ZNF827: variants seen among roughly 807,000 people sequenced by gnomAD.
The protein encoded by ZNF827 is zinc finger protein 827.
ZNF827 carries 13 observed loss-of-function variants against 102.4 expected under a neutral mutation model. That is an observed-to-expected ratio of 0.13 (90% CI 0.08 to 0.20). ZNF827 has a LOEUF of 0.20. ZNF827 is among the 10% of genes least tolerant of loss of function. The probability of loss-of-function intolerance (pLI) is 1.00; values close to 1 mark genes in which losing one functional copy is unlikely to be tolerated. For missense variants in ZNF827, 1,103 were observed against 1,344.4 expected (o/e 0.82, Z 2.81); for synonymous variants, 523 against 536.2 (o/e 0.98, Z 0.34).
chr4:145,892,232 A>G lies in ZNF827; in HGVS notation c.1266+11T>C. ...TGCCTCTCCAGGAGGTGCAGTCGGT[A>G]GGTGGCTTACCTTCATGTGGGATTT... On this transcript the variant is annotated intron_variant, in intron 3 of 14. Coordinates refer to ENST00000508784, the MANE Select transcript of ZNF827 (RefSeq NM_001306215.2). The G allele has an allele frequency of 1.9e-6, 3 of 1,600,256 alleles. No homozygotes were observed. The South Asian group carries it at 3.4e-5, about 18-fold the overall frequency.
At chr4:145,892,126 C>A in intron 3 of ZNF827, 117 bp downstream of exon 3, 1 of 952,942 alleles carries the variant, frequency 1.0e-6, no homozygotes, top group East Asian at 2.6e-5. Flanking sequence ...TACTGTCATC[C>A]GCATGTTTCA....
intron 4 of ZNF827, among the ~76,000 whole-genome samples, chr4:145,882,737 A>G (rs1749777922): frequency 6.6e-6 from 1 of 152,212 alleles, no homozygotes; most frequent in African/African-American, 2.4e-5. Context: ...AGTTTTGCAG[A>G]CAGTGATCTG....
At position 145,761,037 on chromosome 4, in the gene ZNF827, C is replaced by T. The variant is rs1490514672; in HGVS notation, c.*579G>A. 5.4e-6 allele frequency: 7 copies of T among 1,284,862 alleles called. No individual in the cohort carries two copies. Among genetic ancestry groups the T allele is most frequent in the Admixed American group, 2.3e-5 (1 of 43,272 alleles). The allele number at this position is 1,284,862 out of a possible 1,614,324, so 79.6% of individuals were successfully genotyped here. On this transcript the variant is annotated 3_prime_UTR_variant, in exon 15 of 15. Coordinates refer to ENST00000508784, the MANE Select transcript of ZNF827 (RefSeq NM_001306215.2). The surrounding 1 kb of genome is among the most constrained non-coding windows in gnomAD (Gnocchi z 6.8). ...CTGAGCTGCTGCCGTGGGCTGCCGACAGGGCCACGGTCTGCAGAGCCTGGG... is the reference window on the plus strand; with the variant it reads ...CTGAGCTGCTGCCGTGGGCTGCCGATAGGGCCACGGTCTGCAGAGCCTGGG...
intron 1 of ZNF827, among the ~76,000 whole-genome samples, chr4:145,928,649 G>A (rs970081984): frequency 5.3e-5 from 8 of 152,140 alleles, no homozygotes; most frequent in East Asian, 1.9e-4. Flanking sequence ...GCAGTAACTC[G>A]CTTGTGTCAC....
intron 1 of ZNF827, among the ~76,000 whole-genome samples, chr4:145,936,902 G>A (rs1005135757): frequency 2.6e-5 from 4 of 151,946 alleles, no homozygotes; most frequent in Admixed American, 2.0e-4. Flanking sequence ...ACCGCCGGGA[G>A]AGGGGAGTAG....
chr4:145,814,243 T>C (rs1182462630), intron 8 of ZNF827, among the ~76,000 whole-genome samples: 9 of 152,226 alleles, frequency 5.9e-5, no homozygotes, highest in East Asian at 1.9e-4. Context: ...GGATAAGGGA[T>C]ACTCAACCTG....
chr4:145,859,139 T>C (rs1747464572), intron 5 of ZNF827, among the ~76,000 whole-genome samples: 1 of 151,918 alleles, frequency 6.6e-6, no homozygotes, highest in African/African-American at 2.4e-5. Context: ...AATCAGATAA[T>C]AACAGAGACC....
At chr4:145,835,686 C>A (rs1440324835) in intron 7 of ZNF827, among the ~76,000 whole-genome samples, 1 of 142,948 alleles carries the variant, frequency 7.0e-6, no homozygotes, top group Non-Finnish European at 1.5e-5. Context: ...ATCATGCACC[C>A]CTTACCATCT....
chr4:145,875,507 A>G (rs1749079775), intron 4 of ZNF827, among the ~76,000 whole-genome samples: 1 of 152,230 alleles, frequency 6.6e-6, no homozygotes, highest in African/African-American at 2.4e-5. Flanking sequence ...ACTGTTCATG[A>G]GAAAGGGAAG....
At chr4:145,846,499 A>G (rs1269929388) in intron 6 of ZNF827, among the ~76,000 whole-genome samples, 1 of 138,662 alleles carries the variant, frequency 7.2e-6, no homozygotes, top group African/African-American at 2.8e-5. Flanking sequence ...CAAACAAAAA[A>G]ACACAACAAC....
In ZNF827 at chr4:145,762,264, A is replaced by C. The variant is rs1734636949; in HGVS notation, c.*18-666T>G. ...GGACTAGCTCTTTGTCAGGAAAGGA[A>C]GCTGAGGACTATGGCAGGGGCATGG... On this transcript the variant is annotated intron_variant, in intron 14 of 14. Transcript: ENST00000508784. The surrounding 1 kb of genome is among the most constrained non-coding windows in gnomAD (Gnocchi z 4.9). Among the ~76,000 whole-genome samples, 1 of 152,142 alleles carries C rather than the reference A, an allele frequency of 6.6e-6. No homozygotes were observed. Among genetic ancestry groups the C allele is most frequent in the African/African-American group, 2.4e-5 (1 of 41,420 alleles).
intron 1 of ZNF827, among the ~76,000 whole-genome samples, chr4:145,908,758 A>G (rs1752064275): frequency 6.6e-6 from 1 of 152,226 alleles, no homozygotes; most frequent in South Asian, 2.1e-4. Context: ...CAGAGACACA[A>G]CAGTCTCTGG....
chr4:145,793,083 A>G (rs1739930509), intron 8 of ZNF827, among the ~76,000 whole-genome samples: 1 of 151,396 alleles, frequency 6.6e-6, no homozygotes. Context: ...ATATTTGTGG[A>G]TTTGCTTAAA....
At position 145,761,773 on chromosome 4, in the gene ZNF827, C is replaced by A. The variant is rs1174509384; in HGVS notation, c.*18-175G>T. On this transcript the variant is annotated intron_variant, in intron 14 of 14. Coordinates refer to ENST00000508784, the MANE Select transcript of ZNF827 (RefSeq NM_001306215.2). The surrounding 1 kb of genome is among the most constrained non-coding windows in gnomAD (Gnocchi z 6.8). ...GGTGGAACGGCCCTTTTTGGCTCTC[C>A]CTGCTGACAGAGCAGTCCCCGCTGA... Among the ~76,000 whole-genome samples, 2 of 152,216 alleles carry A rather than the reference C, an allele frequency of 1.3e-5. No individual in the cohort carries two copies. The highest frequency in any genetic ancestry group is 2.9e-5 in the Non-Finnish European group (2 of 68,030).
chr4:145,768,923 T>C (rs1322177306), intron 11 of ZNF827, among the ~76,000 whole-genome samples: 2 of 71,600 alleles, frequency 2.8e-5, no homozygotes, highest in South Asian at 6.0e-4. Context: ...ATATTAGGTA[T>C]ACAAAGTTTG....
chr4:145,904,407 TAG>T (rs1561063998), intron 1 of ZNF827, among the ~76,000 whole-genome samples: 1 of 152,066 alleles, frequency 6.6e-6, no homozygotes, highest in Non-Finnish European at 1.5e-5. Context: ...GAAAACCACA[TAG>T]GGCAAGACAG....
rs538185339 is a variant in ZNF827, at chr4:145,828,890, T to C, written c.2280-5365A>G. On this transcript the variant is annotated intron_variant, in intron 7 of 14. Coordinates refer to ENST00000508784, the MANE Select transcript of ZNF827 (RefSeq NM_001306215.2). ...AGTGATACATTTTGCTAAGTGCCTA[T>C]TGTGACACCAGTATTTCCACCTTTA... is the stretch of plus-strand genomic sequence containing the variant. Among the ~76,000 whole-genome samples the C allele has an allele frequency of 3.3e-5, 5 of 152,312 alleles. No individual in the cohort carries two copies. The South Asian group carries it at 8.3e-4, about 25-fold the overall frequency.
intron 7 of ZNF827, among the ~76,000 whole-genome samples, chr4:145,837,825 C>G (rs148068850): frequency 0.036 from 5,522 of 152,170 alleles, 149 homozygotes; most frequent in Non-Finnish European, 0.052. Context: ...ACCAATCATT[C>G]TATACGACAA....
At chr4:145,909,986 G>T (rs1159718344) in intron 1 of ZNF827, among the ~76,000 whole-genome samples, 3 of 152,290 alleles carry the variant, frequency 2.0e-5, no homozygotes, top group East Asian at 3.9e-4. Flanking sequence ...ACCGCTGTCA[G>T]CGTGCCCAGG....
Sources: gnomAD v4.1 joint callset for allele counts (sites outside exome capture counted in the v4.1 genomes callset) on GRCh38, gnomAD v4.1.1 for gene constraint, Gnocchi (gnomAD v3.1) non-coding constraint, MANE v1.5 for transcripts, NCBI Gene and HGNC (gene_info 2026-07-23, HGNC 2026-07-21) for gene names.